TBC1D9: variants seen among roughly 807,000 people sequenced by gnomAD.
TBC1D9 encodes TBC1 domain family member 9.
A neutral mutation model predicts 132.0 loss-of-function variants in TBC1D9; 63 were observed. The ratio of observed to expected loss-of-function variants is 0.48; its 90% CI spans 0.39 to 0.59. The LOEUF (loss-of-function observed/expected upper bound fraction) is 0.59, where lower values mean the gene tolerates loss of function less well. Among genes scored for constraint, TBC1D9 ranks in the 20% least tolerant of loss-of-function variants. TBC1D9 has a pLI of 0.00. For synonymous variants in TBC1D9, 610 were observed against 609.9 expected (o/e 1.00, Z 0.00); for missense variants, 1,261 against 1,592.7 (o/e 0.79, Z 3.54).
chr4:140,748,711 C>T (rs996934676), intron 1 of TBC1D9, among the ~76,000 whole-genome samples: 3 of 152,140 alleles, frequency 2.0e-5, no homozygotes, highest in Non-Finnish European at 2.9e-5. Flanking sequence ...ACAAAAATAT[C>T]CTTCAAGAAA....
chr4:140,679,256 A>G, intron 4 of TBC1D9, 53 bp from the exon 5 acceptor site: 1 of 1,569,156 alleles, frequency 6.4e-7, no homozygotes, highest in Admixed American at 1.8e-5. Context: ...AAACGCTTTC[A>G]AGATATTGCA....
intron 15 of TBC1D9, among the ~76,000 whole-genome samples, chr4:140,637,549 T>C (rs1319419231): frequency 6.6e-6 from 1 of 152,152 alleles, no homozygotes; most frequent in East Asian, 1.9e-4. Flanking sequence ...CCCAGAATCC[T>C]GGCCCTGCCC....
In TBC1D9 at chr4:140,705,533, T is replaced by C. The variant is rs569023767; in HGVS notation, c.131-3919A>G. Among the ~76,000 whole-genome samples the C allele has an allele frequency of 1.1e-4, 16 of 147,216 alleles. No homozygotes were observed. The South Asian group carries it at 1.7e-3, about 15-fold the overall frequency. The stretch of plus-strand genomic sequence containing the variant: ...GTGCATGTGTGTGTGTGTGTGTGTG[T>C]GTGTGTGTGCGTTTTAAACCTAAAT... On this transcript the variant is annotated intron_variant, in intron 1 of 20. Transcript: ENST00000442267.
At chr4:140,749,533 A>C (rs1334677392) in intron 1 of TBC1D9, among the ~76,000 whole-genome samples, 2 of 152,206 alleles carry the variant, frequency 1.3e-5, no homozygotes, top group South Asian at 4.1e-4. Context: ...GTAAGAAAAA[A>C]GTCAACTGCC....
At chr4:140,678,164 G>C (rs1737653384) in intron 5 of TBC1D9, among the ~76,000 whole-genome samples, 1 of 152,126 alleles carries the variant, frequency 6.6e-6, no homozygotes, top group East Asian at 1.9e-4. Flanking sequence ...TTTTGAACAT[G>C]TCTCAAATCA....
At chr4:140,642,922 G>T in intron 13 of TBC1D9, 1 of 596,426 alleles carries the variant, frequency 1.7e-6, no homozygotes, top group Non-Finnish European at 2.9e-6. Flanking sequence ...TCCCGGCGCC[G>T]CTGCAGCTTC....
intron 1 of TBC1D9, among the ~76,000 whole-genome samples, chr4:140,751,373 T>G (rs530592666): frequency 1.2e-4 from 19 of 152,254 alleles, no homozygotes; most frequent in South Asian, 1.2e-3. Context: ...GGCAAATGAA[T>G]GTCCACAAAA....
In TBC1D9 at chr4:140,701,633, G is replaced by A. The variant is rs762630656; in HGVS notation, c.131-19C>T. ...AGCAGGCCTGAGGGTGGAAAGTGGG[G>A]AGAAACAGGTAAGAATTGCCTTAGT... On this transcript the variant is annotated intron_variant, in intron 1 of 20. Coordinates refer to ENST00000442267, the MANE Select transcript of TBC1D9 (RefSeq NM_015130.3). 4 of 1,596,186 alleles carry A rather than the reference G, an allele frequency of 2.5e-6. No individual in the cohort carries two copies. The highest frequency in any genetic ancestry group is 3.3e-5 in the Admixed American group (2 of 59,906).
At chr4:140,708,444 G>A (rs1048472596) in intron 1 of TBC1D9, among the ~76,000 whole-genome samples, 1 of 152,136 alleles carries the variant, frequency 6.6e-6, no homozygotes, top group Non-Finnish European at 1.5e-5. Flanking sequence ...AATATTCAGG[G>A]AAAAGACAAG....
rs537442192 is a variant in TBC1D9 at position 140,670,557 on chromosome 4, C to T, written c.1266+163G>A. 3.4e-4 allele frequency: 207 copies of T among 609,098 alleles called. No homozygotes were observed. The African/African-American group carries it at 3.4e-3, about 10-fold the overall frequency. 37.7% of individuals were successfully genotyped at this position (609,098 alleles called of 1,614,324 possible). The stretch of plus-strand genomic sequence containing the variant: ...TATAAGGTTCCTTCTAAATCTATGA[C>T]CCCAAATACAAAGTCCTTGAGATTT... On this transcript the variant is annotated intron_variant, in intron 7 of 20. Coordinates refer to ENST00000442267, the MANE Select transcript of TBC1D9 (RefSeq NM_015130.3).
At chr4:140,710,260 G>A (rs1201921563) in intron 1 of TBC1D9, among the ~76,000 whole-genome samples, 1 of 152,146 alleles carries the variant, frequency 6.6e-6, no homozygotes, top group Non-Finnish European at 1.5e-5. Flanking sequence ...AAAGTGCTGG[G>A]AATATGAACT....
intron 2 of TBC1D9, among the ~76,000 whole-genome samples, chr4:140,695,131 G>T (rs1023772720): frequency 6.6e-6 from 1 of 152,130 alleles, no homozygotes; most frequent in African/African-American, 2.4e-5. Flanking sequence ...CTTACCAGCC[G>T]CTAACTAAAA....
At chr4:140,754,604 G>A (rs111568470) in intron 1 of TBC1D9, among the ~76,000 whole-genome samples, 16,171 of 109,562 alleles carry the variant, frequency 0.15, 1,903 homozygotes, top group African/African-American at 0.35. Flanking sequence ...GACAAAGCAG[G>A]ACTCTGTCTC....
At chr4:140,708,843 A>G (rs1010453708) in intron 1 of TBC1D9, among the ~76,000 whole-genome samples, 2 of 152,052 alleles carry the variant, frequency 1.3e-5, no homozygotes, top group African/African-American at 4.8e-5. Context: ...GATGGGTACA[A>G]TGTATTGTTC....
At position 140,622,590 on chromosome 4, in the gene TBC1D9, C is replaced by T. The variant is rs771559433; in HGVS notation, c.3406G>A (p.Glu1136Lys). The T allele has an allele frequency of 6.2e-7, 1 of 1,613,950 alleles. No individual in the cohort carries two copies. The highest frequency in any genetic ancestry group is 8.5e-7 in the Non-Finnish European group (1 of 1,179,858). The change falls in exon 21 of 21, where the codon GAG (glutamate) becomes AAG (lysine). Residue 1136 changes from glutamate to lysine, a missense_variant. Glu to Lys is a moderately conservative substitution (Grantham distance 56, BLOSUM62 1). Transcript: ENST00000442267. ...CCGTTGTCCCGGGGCGAGGAGTCCT[C>T]CAGCTTGATGTCCTCCATTTGTCCT... ...LGGQMEDIKL[E>K]DSSPRDNGAC...
chr4:140,623,460 A>G (rs997204014), intron 20 of TBC1D9, among the ~76,000 whole-genome samples: 4 of 152,370 alleles, frequency 2.6e-5, no homozygotes, highest in Middle Eastern at 3.4e-3. Context: ...CCTCGAGTCA[A>G]GAAGGACTAT....
intron 13 of TBC1D9, among the ~76,000 whole-genome samples, chr4:140,647,868 A>C (rs1737125990): frequency 6.6e-6 from 1 of 152,036 alleles, no homozygotes; most frequent in Non-Finnish European, 1.5e-5. Context: ...AGGATTTGTA[A>C]AGGAATGTGA....
chr4:140,673,167 C>CAA lies in TBC1D9; in HGVS notation c.1060-2243_1060-2242dup, dbSNP rs36085828. 8.6e-4 allele frequency among the ~76,000 whole-genome samples: 116 copies of CAA among 135,198 alleles called. 1 individual carries two copies. The highest frequency in any genetic ancestry group is 3.2e-3 in the African/African-American group (111 of 34,930). The allele number at this position is 135,198 out of a possible 152,430, so 88.7% of individuals were successfully genotyped here. On this transcript the variant is annotated intron_variant, in intron 6 of 20. Transcript: ENST00000442267. ...GATGACTGTGTGAGAGACCCCATATCAAAAAAAAAAAAAAAATTCCTTCTC... is the reference window on the plus strand; with the variant it reads ...GATGACTGTGTGAGAGACCCCATATCAAAAAAAAAAAAAAAAAATTCCTTCTC...
chr4:140,622,640 G>T lies in TBC1D9; in HGVS notation c.3356C>A (p.Pro1119His). The change falls in exon 21 of 21, where the codon CCC becomes CAC. Residue 1119 changes from proline to histidine, a missense_variant. Around this residue, in one of 3 missense-constraint regions of TBC1D9, gnomAD observed 618 missense variants for 724.4 expected, o/e 0.85. Coordinates refer to ENST00000442267, the MANE Select transcript of TBC1D9 (RefSeq NM_015130.3). ...SVEPLPASLAPDSEEHSLGGQ... is the reference protein window; with the variant it reads ...SVEPLPASLAHDSEEHSLGGQ... ...TCCAAGGGAGTGTTCCTCGCTGTCG[G>T]GGGCCAGGCTGGCCGGCAGGGGCTC... The T allele has an allele frequency of 6.2e-7, 1 of 1,611,550 alleles. No individual in the cohort carries two copies. The highest frequency in any genetic ancestry group is 8.5e-7 in the Non-Finnish European group (1 of 1,178,400).
Sources: allele counts gnomAD v4.1 joint callset (sites outside exome capture counted in the v4.1 genomes callset), GRCh38; gene constraint gnomAD v4.1.1; regional missense constraint gnomAD v4.1.1; transcripts MANE v1.5; gene names NCBI Gene and HGNC (gene_info 2026-07-23, HGNC 2026-07-21).